WIF1: variants seen among roughly 807,000 people sequenced by gnomAD.
WIF1 encodes Wnt inhibitory factor 1.
WIF1 carries 35 observed loss-of-function variants against 53.5 expected under a neutral mutation model. The observed-to-expected ratio is 0.65, with a 90% CI of 0.50 to 0.87. The LOEUF (loss-of-function observed/expected upper bound fraction) is 0.87, where lower values mean the gene tolerates loss of function less well. Among genes scored for constraint, WIF1 ranks in the 40% least tolerant of loss-of-function variants. The pLI is 0.00. For synonymous variants in WIF1, 171 were observed against 170.4 expected (o/e 1.00, Z -0.03); for missense variants, 467 against 476.8 (o/e 0.98, Z 0.19).
intron 1 of WIF1, 130 bp downstream of exon 1, chr12:65,120,914 A>G (rs1397365890): frequency 1.7e-6 from 2 of 1,210,256 alleles, no homozygotes; most frequent in African/African-American, 3.1e-5. Flanking sequence ...AAAATATCTA[A>G]TTAAAAGAGG....
chr12:65,083,417 C>T (rs1459095916), intron 2 of WIF1, among the ~76,000 whole-genome samples: 1 of 152,198 alleles, frequency 6.6e-6, no homozygotes, highest in African/African-American at 2.4e-5. Context: ...AAATTTCATC[C>T]TTCAAACTCA....
intron 6 of WIF1, among the ~76,000 whole-genome samples, chr12:65,065,349 G>A (rs1460244270): frequency 6.6e-6 from 1 of 152,022 alleles, no homozygotes; most frequent in Non-Finnish European, 1.5e-5. Context: ...AGCCTGGGTG[G>A]CAACATGGTA....
At chr12:65,085,121 C>T (rs1883015175) in intron 2 of WIF1, among the ~76,000 whole-genome samples, 1 of 152,152 alleles carries the variant, frequency 6.6e-6, no homozygotes, top group African/African-American at 2.4e-5. Flanking sequence ...TCTTGGGTTC[C>T]AGTCACTTTG....
chr12:65,080,337 C>T (rs534209736), intron 2 of WIF1, among the ~76,000 whole-genome samples: 1 of 152,194 alleles, frequency 6.6e-6, no homozygotes, highest in African/African-American at 2.4e-5. Context: ...AATAAAGGGT[C>T]ATAAGGCAGG....
chr12:65,118,002 T>C (rs144697106), intron 2 of WIF1, among the ~76,000 whole-genome samples: 3 of 152,186 alleles, frequency 2.0e-5, no homozygotes, highest in Non-Finnish European at 4.4e-5. Context: ...TTGGGGATCC[T>C]TCGTTACTGG....
In WIF1 at chr12:65,067,720, C is replaced by T. The variant is rs2136615375; in HGVS notation, c.609G>A (p.Gly203=). ...NERRICECPD[G]FHGPHCEKAL... ...CTTTCTCACAGTGAGGTCCGTGGAA[C>T]CCATCAGGACACTCGCAGATGCGTC... The change falls in exon 5 of 10, where the codon GGG becomes GGA. Residue 203 remains glycine, a synonymous_variant. Transcript: ENST00000286574. 6.2e-7 allele frequency: 1 copy of T among 1,613,388 alleles called. No individual in the cohort carries two copies. The highest frequency in any genetic ancestry group is 2.2e-5 in the East Asian group (1 of 44,874).
At chr12:65,094,353 T>A (rs1883169542) in intron 2 of WIF1, among the ~76,000 whole-genome samples, 1 of 152,184 alleles carries the variant, frequency 6.6e-6, no homozygotes, top group Admixed American at 6.6e-5. Context: ...ATTGTTAAAA[T>A]ATAAGTGAAA....
chr12:65,111,296 A>G (rs1565761193), intron 2 of WIF1, among the ~76,000 whole-genome samples: 2 of 152,124 alleles, frequency 1.3e-5, no homozygotes, highest in Non-Finnish European at 2.9e-5. Context: ...TAATCTAAAC[A>G]TGTATCTCCA....
intron 2 of WIF1, among the ~76,000 whole-genome samples, chr12:65,112,302 C>T (rs1352701411): frequency 6.6e-6 from 1 of 151,914 alleles, no homozygotes; most frequent in Non-Finnish European, 1.5e-5. Context: ...TATTTAAGCT[C>T]CCTTTTATGT....
chr12:65,072,652 TAGAC>T (rs1882801695), intron 3 of WIF1, among the ~76,000 whole-genome samples: 1 of 151,976 alleles, frequency 6.6e-6, no homozygotes. Context: ...AAATTCACCA[TAGAC>T]AGTAGGAGAT....
At position 65,068,807 on chromosome 12, in the gene WIF1, G is replaced by T. The variant is rs1458968098; in HGVS notation, c.495C>A (p.Leu165=). 6.2e-7 allele frequency: 1 copy of T among 1,613,544 alleles called. No individual in the cohort carries two copies. The highest frequency in any genetic ancestry group is 1.3e-5 in the African/African-American group (1 of 74,858). Residue 165 remains leucine (L), a synonymous_variant, in exon 4 of 10, where the codon CTC becomes CTA. Transcript: ENST00000286574. ...IVMNSEGNTI[L]QTPQNAIFFK... Reference sequence around the variant, plus strand: ...AGAAGATAGCATTTTGAGGTGTTTGGAGAATGGTGTTGCCTTCAGAATTCA... The same window carrying T: ...AGAAGATAGCATTTTGAGGTGTTTGTAGAATGGTGTTGCCTTCAGAATTCA...
intron 9 of WIF1, among the ~76,000 whole-genome samples, chr12:65,054,578 T>C (rs1475021997): frequency 1.3e-5 from 2 of 152,238 alleles, no homozygotes; most frequent in African/African-American, 4.8e-5. Flanking sequence ...ATCTCTCCCA[T>C]AGACAGCTTT....
At chr12:65,078,171 C>T (rs772244696) in intron 2 of WIF1, among the ~76,000 whole-genome samples, 4 of 152,116 alleles carry the variant, frequency 2.6e-5, no homozygotes, top group Non-Finnish European at 5.9e-5. Context: ...CTCTGCCTCC[C>T]AGGTTCAAGC....
At chr12:65,067,387 C>T (rs545547055) in intron 5 of WIF1, among the ~76,000 whole-genome samples, 77 of 152,176 alleles carry the variant, frequency 5.1e-4, no homozygotes, top group Middle Eastern at 3.4e-3. Flanking sequence ...AATCAAGCTA[C>T]TTTCAACTGG....
chr12:65,109,600 A>G (rs1361344865), intron 2 of WIF1, among the ~76,000 whole-genome samples: 1 of 152,234 alleles, frequency 6.6e-6, no homozygotes, highest in African/African-American at 2.4e-5. Flanking sequence ...TCTTAGGACC[A>G]AGGACATACT....
intron 2 of WIF1, among the ~76,000 whole-genome samples, chr12:65,096,380 G>A (rs1883205211): frequency 6.6e-6 from 1 of 152,198 alleles, no homozygotes; most frequent in Non-Finnish European, 1.5e-5. Flanking sequence ...TGCTGGCGAG[G>A]ATGTGGAGAA....
chr12:65,062,752 C>A (rs529077165), intron 6 of WIF1, among the ~76,000 whole-genome samples, 176 bp from the exon 7 acceptor site: 1 of 152,196 alleles, frequency 6.6e-6, no homozygotes, highest in African/African-American at 2.4e-5. Context: ...TGCCTATGTG[C>A]AGACTCCAGA....
intron 3 of WIF1, among the ~76,000 whole-genome samples, chr12:65,070,091 A>G (rs1293970198): frequency 6.6e-6 from 1 of 152,144 alleles, no homozygotes. Context: ...ATAGGAATAA[A>G]TGAGCTGGAA....
chr12:65,086,560 C>T (rs1883041019), intron 2 of WIF1, among the ~76,000 whole-genome samples: 1 of 152,124 alleles, frequency 6.6e-6, no homozygotes, highest in South Asian at 2.1e-4. Flanking sequence ...CGACACATTT[C>T]TGTTAGATGC....
Sources: gnomAD v4.1 joint callset for allele counts (sites outside exome capture counted in the v4.1 genomes callset) on GRCh38, gnomAD v4.1.1 for gene constraint, MANE v1.5 for transcripts, NCBI Gene and HGNC (gene_info 2026-07-23, HGNC 2026-07-21) for gene names.